The following WDR59 variants were observed in gnomAD, a reference collection of about 807,000 sequenced individuals.
WDR59 encodes GATOR2 complex protein WDR59.
WDR59 carries 100 observed loss-of-function variants against 131.2 expected under a neutral mutation model. That is an observed-to-expected ratio of 0.76 (90% CI 0.65 to 0.90). The LOEUF (loss-of-function observed/expected upper bound fraction) is 0.90, where lower values mean the gene tolerates loss of function less well. Among genes scored for constraint, WDR59 ranks in the 40% least tolerant of loss-of-function variants. The pLI is 0.00. For synonymous variants in WDR59, 601 were observed against 466.2 expected (o/e 1.29, Z -3.72); for missense variants, 1,203 against 1,262.2 (o/e 0.95, Z 0.71).
At chr16:74,909,970 T>C in intron 14 of WDR59, 53 bp from the exon 15 acceptor site, 2 of 692,662 alleles carry the variant, frequency 2.9e-6, no homozygotes, top group South Asian at 2.5e-5. Context: ...CTCTGATAGG[T>C]TTTTTTTTTT....
At chr16:74,920,021 T>C (rs2030021006) in intron 10 of WDR59, among the ~76,000 whole-genome samples, 1 of 149,360 alleles carries the variant, frequency 6.7e-6, no homozygotes, top group South Asian at 2.1e-4. Context: ...CAGTGAGCCA[T>C]GCTCGTGCCT....
chr16:74,983,694 G>C (rs2034513463), intron 1 of WDR59, among the ~76,000 whole-genome samples: 1 of 152,016 alleles, frequency 6.6e-6, no homozygotes, highest in South Asian at 2.1e-4. Flanking sequence ...CTTCACTCGA[G>C]GCTGTGCTCA....
Position 74,874,012 on chromosome 16 carries a change from T to C in WDR59, c.*197A>G. ...CACTTCTGTCCTTATCTTCACACAGTGACATCCACACCAGGTGGCCAAACA... is the reference window on the plus strand; with the variant it reads ...CACTTCTGTCCTTATCTTCACACAGCGACATCCACACCAGGTGGCCAAACA... On this transcript the variant is annotated 3_prime_UTR_variant, in exon 26 of 26. Transcript: ENST00000262144. The C allele has an allele frequency of 1.7e-6, 1 of 588,118 alleles. No homozygotes were observed. Among genetic ancestry groups the C allele is most frequent in the Non-Finnish European group, 3.0e-6 (1 of 329,840 alleles). The allele number at this position is 588,118 out of a possible 1,614,324, so 36.4% of individuals were successfully genotyped here. A position where few individuals can be genotyped will look rare whatever the true frequency, so the allele number is the denominator to read the frequency against.
At chr16:74,897,273 C>T (rs1412964661) in intron 18 of WDR59, among the ~76,000 whole-genome samples, 2 of 152,222 alleles carry the variant, frequency 1.3e-5, no homozygotes, top group Non-Finnish European at 1.5e-5. Flanking sequence ...AGGCCAGATT[C>T]AGACCAAGAT....
chr16:74,950,905 C>T (rs1260042421), intron 4 of WDR59, among the ~76,000 whole-genome samples: 1 of 150,916 alleles, frequency 6.6e-6, no homozygotes, highest in Non-Finnish European at 1.5e-5. Context: ...CCTGTAATCC[C>T]AACACTTTGG....
chr16:74,886,222 C>G, intron 24 of WDR59, 48 bp downstream of exon 24: 1 of 1,486,476 alleles, frequency 6.7e-7, no homozygotes, highest in Non-Finnish European at 9.2e-7. Context: ...AAACTGGAGT[C>G]CTGCCTGGAG....
intron 2 of WDR59, among the ~76,000 whole-genome samples, chr16:74,962,057 CATTG>C (rs971726924): frequency 1.3e-5 from 2 of 152,096 alleles, no homozygotes; most frequent in Non-Finnish European, 2.9e-5. Flanking sequence ...ATCCTTTCCC[CATTG>C]ATTGTTTTTG....
chr16:74,893,777 T>C lies in WDR59; in HGVS notation c.1902A>G (p.Ser634=). The C allele has an allele frequency of 1.2e-6, 2 of 1,614,166 alleles. No homozygotes were observed. The highest frequency in any genetic ancestry group is 2.2e-5 in the East Asian group (1 of 44,878). The change falls in exon 19 of 26, where the codon TCA becomes TCG. Residue 634 remains serine (S), a synonymous_variant. Transcript: ENST00000262144. ...CCTTGATCTGTCGATTGCCAGAGTC[T>C]GATCCCTCACGCTTACTTTTCCATC... ...SRRWKSKREG[S]DSGNRQIKAA...
intron 3 of WDR59, among the ~76,000 whole-genome samples, chr16:74,952,445 CAAAAA>C (rs61448932): frequency 8.6e-4 from 54 of 62,704 alleles, no homozygotes; most frequent in African/African-American, 2.8e-3. Context: ...CCATCTCAAA[CAAAAA>C]AAAAAAAAAA....
intron 1 of WDR59, among the ~76,000 whole-genome samples, chr16:74,968,210 T>C (rs1426907230): frequency 6.6e-6 from 1 of 152,066 alleles, no homozygotes; most frequent in Non-Finnish European, 1.5e-5. Flanking sequence ...ACGGGGAGAC[T>C]GAGAGATTTA....
At chr16:74,907,524 A>C (rs1399682253) in intron 17 of WDR59, among the ~76,000 whole-genome samples, 5 of 152,176 alleles carry the variant, frequency 3.3e-5, no homozygotes, top group African/African-American at 1.2e-4. Context: ...AAGTTTCCTG[A>C]GGCCTCTCCA....
rs1567695311 is a variant in WDR59, at chr16:74,893,711, C to T, written c.1968G>A (p.Leu656=). Residue 656 remains leucine (L), a synonymous_variant, in exon 19 of 26, where the codon CTG becomes CTA. Coordinates refer to ENST00000262144, the MANE Select transcript of WDR59 (RefSeq NM_030581.4). ...KVIIQDIACL[L]PVHKSLGELY... ...GCTCTCCCAGCGATTTGTGAACAGG[C>T]AGGAGGCAAGCAATATCCTGGATGA... The T allele has an allele frequency of 6.2e-7, 1 of 1,614,096 alleles. No individual in the cohort carries two copies. The highest frequency in any genetic ancestry group is 1.3e-5 in the African/African-American group (1 of 75,020).
At chr16:74,943,911 ACATAAGG>A (rs2032417212) in intron 6 of WDR59, among the ~76,000 whole-genome samples, 2 of 152,218 alleles carry the variant, frequency 1.3e-5, no homozygotes, top group Admixed American at 1.3e-4. Flanking sequence ...CTTTCTTGAG[ACATAAGG>A]TATCTTATGT....
chr16:74,884,277 AAAACAC>A (rs1233950428), intron 25 of WDR59, among the ~76,000 whole-genome samples: 1 of 152,146 alleles, frequency 6.6e-6, no homozygotes, highest in Non-Finnish European at 1.5e-5. Context: ...TGACCCTCTT[AAAACAC>A]AACCCAAAGC....
At chr16:74,974,797 C>T (rs914028344) in intron 1 of WDR59, among the ~76,000 whole-genome samples, 1 of 152,164 alleles carries the variant, frequency 6.6e-6, no homozygotes. Context: ...CCTTGGTACA[C>T]AATGTCTCTC....
chr16:74,984,778 C>T, intron 1 of WDR59, 186 bp downstream of exon 1: 1 of 756,504 alleles, frequency 1.3e-6, no homozygotes, highest in East Asian at 2.7e-5. Flanking sequence ...CCATGCTCGC[C>T]CCGATTGCCC....
intron 18 of WDR59, among the ~76,000 whole-genome samples, chr16:74,894,439 G>C (rs887533807): frequency 2.0e-5 from 3 of 152,158 alleles, no homozygotes; most frequent in Non-Finnish European, 4.4e-5. Context: ...GCAAGTATTC[G>C]ATTTCCCCAG....
chr16:74,981,635 TA>T (rs1567450613), intron 1 of WDR59, among the ~76,000 whole-genome samples: 778 of 25,746 alleles, frequency 0.03, 65 homozygotes, highest in East Asian at 0.054. Flanking sequence ...TATATATATA[TA>T]TATATATATA....
rs573122461 is a variant in WDR59 at position 74,892,506 on chromosome 16, A to G, written c.2060T>C (p.Val687Ala). The G allele has an allele frequency of 6.2e-7, 1 of 1,613,944 alleles. No homozygotes were observed. Among genetic ancestry groups the G allele is most frequent in the Admixed American group, 1.7e-5 (1 of 60,028 alleles). ...TACCTGGACAAGATCCTTTCTTCCA[A>G]CGAGCAAGGCAGAGGCGGCATTCTT... ...CQKNAASALL[V>A]GRKDLVQVWS... Residue 687 changes from valine (V) to alanine (A), a missense_variant, in exon 20 of 26, where the codon GTT (valine) becomes GCT (alanine). Physicochemically the swap from Val to Ala is moderately conservative, Grantham distance 64 (BLOSUM62 0). Coordinates refer to ENST00000262144, the MANE Select transcript of WDR59 (RefSeq NM_030581.4).
Sources: gnomAD v4.1 joint callset for allele counts (sites outside exome capture counted in the v4.1 genomes callset) on GRCh38, gnomAD v4.1.1 for gene constraint, MANE v1.5 for transcripts, NCBI Gene and HGNC (gene_info 2026-07-23, HGNC 2026-07-21) for gene names.